Variants in ENOX2 observed in about 807,000 individuals in gnomAD.
ENOX2 encodes the protein ecto-NOX disulfide-thiol exchanger 2, also known as APK1 antigen.
ENOX2 carries 36 observed loss-of-function variants against 45.0 expected under a neutral mutation model. That is an observed-to-expected ratio of 0.80 (90% CI 0.61 to 1.06). ENOX2 has a LOEUF of 1.06. ENOX2 is among the 50% of genes least tolerant of loss of function. The pLI, the probability that ENOX2 is intolerant of heterozygous loss-of-function variation, is 0.00. For missense variants in ENOX2, 423 were observed against 462.5 expected (o/e 0.91, Z 0.78); for synonymous variants, 174 against 152.3 (o/e 1.14, Z -1.05).
intron 6 of ENOX2, 78 bp from the exon 7 acceptor site, chrX:130,670,276 G>T: frequency 2.4e-6 from 1 of 412,264 alleles, no homozygotes; most frequent in South Asian, 5.3e-5. Context: ...GACAGAGACA[G>T]AGAGAGAGAG....
At chrX:130,857,140 C>A (rs1324165165) in intron 2 of ENOX2, among the ~76,000 whole-genome samples, 1 of 111,940 alleles carries the variant, frequency 8.9e-6, no homozygotes, top group African/African-American at 3.2e-5. Context: ...AATGAACATA[C>A]TACTGATAAC....
intron 2 of ENOX2, among the ~76,000 whole-genome samples, chrX:130,896,165 C>T: frequency 8.9e-6 from 1 of 111,747 alleles, no homozygotes; most frequent in Non-Finnish European, 1.9e-5. Context: ...TCTGCCAAAT[C>T]TCTACAGCAG....
chrX:130,843,816 A>T (rs1465660096), intron 2 of ENOX2, among the ~76,000 whole-genome samples: 1 of 111,990 alleles, frequency 8.9e-6, no homozygotes, highest in East Asian at 2.8e-4. Context: ...ATATGCTCCG[A>T]TAGCATCCTA....
chrX:130,636,001 G>C (rs1196556490), intron 11 of ENOX2, among the ~76,000 whole-genome samples: 2 of 112,034 alleles, frequency 1.8e-5, no homozygotes, highest in Non-Finnish European at 3.8e-5. Context: ...ATCCTTATGT[G>C]AAATGGTTTG....
At chrX:130,655,036 T>C (rs776531731) in intron 10 of ENOX2, among the ~76,000 whole-genome samples, 3 of 112,276 alleles carry the variant, frequency 2.7e-5, no homozygotes, top group Non-Finnish European at 5.6e-5. Flanking sequence ...TGTACAATAC[T>C]GTAGATACTG....
intron 3 of ENOX2, among the ~76,000 whole-genome samples, chrX:130,769,702 T>G (rs1399969457): frequency 8.9e-6 from 1 of 111,765 alleles, no homozygotes; most frequent in Non-Finnish European, 1.9e-5. Context: ...TACCCTTCCA[T>G]CCAACATCAC....
In ENOX2 at chrX:130,793,917, T is replaced by C. The variant is rs1198502615; in HGVS notation, c.-182-10227A>G. On this transcript the variant is annotated intron_variant, in intron 2 of 14. Transcript: ENST00000394363. ...TGATAGAACAGTTCAAAGTGACAGA[T>C]GGTAGATGGGTGATCTATCATTTTC... 2.7e-5 allele frequency among the ~76,000 whole-genome samples: 3 copies of C among 112,409 alleles called. No homozygotes were observed. In the Admixed American group the frequency reaches 2.8e-4, roughly 11 times the overall value.
intron 2 of ENOX2, among the ~76,000 whole-genome samples, chrX:130,870,595 G>A (rs1413758743): frequency 9.0e-6 from 1 of 111,271 alleles, no homozygotes; most frequent in South Asian, 3.8e-4. Context: ...GGCAATTGTC[G>A]ACACTGTATT....
At chrX:130,783,740 T>C in intron 2 of ENOX2, 50 bp from the exon 3 acceptor site, 2 of 244,434 alleles carry the variant, frequency 8.2e-6, no homozygotes, top group Non-Finnish European at 1.5e-5. Flanking sequence ...AGGACTGGGA[T>C]TGTCTCCAGA....
At chrX:130,671,666 G>C (rs1014445367) in intron 6 of ENOX2, among the ~76,000 whole-genome samples, 1 of 111,838 alleles carries the variant, frequency 8.9e-6, no homozygotes, top group African/African-American at 3.3e-5. Context: ...AGCTCCCACA[G>C]GGTTGGGAAT....
intron 3 of ENOX2, among the ~76,000 whole-genome samples, chrX:130,720,649 T>C (rs1258638094): frequency 3.6e-5 from 4 of 112,236 alleles, no homozygotes; most frequent in Non-Finnish European, 7.5e-5. Flanking sequence ...AGAAACAGTA[T>C]AATCCACCAG....
chrX:130,853,615 G>C (rs904459250), intron 2 of ENOX2, among the ~76,000 whole-genome samples: 4 of 110,848 alleles, frequency 3.6e-5, no homozygotes, highest in African/African-American at 6.6e-5. Flanking sequence ...CAAGCACTGA[G>C]TGAGGAAACC....
chrX:130,799,132 G>T (rs1049624903), intron 2 of ENOX2, among the ~76,000 whole-genome samples: 1 of 111,525 alleles, frequency 9.0e-6, no homozygotes, highest in African/African-American at 3.3e-5. Flanking sequence ...TGATCTTGGT[G>T]GGTGCCATCT....
intron 3 of ENOX2, among the ~76,000 whole-genome samples, chrX:130,728,243 G>A (rs1241581809): frequency 9.0e-6 from 1 of 111,222 alleles, no homozygotes; most frequent in African/African-American, 3.3e-5. Context: ...ATGCAGCTCT[G>A]GTAGTATAAT....
intron 5 of ENOX2, among the ~76,000 whole-genome samples, chrX:130,687,057 T>A (rs947798052): frequency 1.7e-4 from 19 of 111,689 alleles, no homozygotes; most frequent in African/African-American, 6.2e-4. Context: ...AATATAAAAA[T>A]GTATTTGAGA....
At chrX:130,782,663 C>A (rs2076914118) in intron 3 of ENOX2, among the ~76,000 whole-genome samples, 1 of 111,518 alleles carries the variant, frequency 9.0e-6, no homozygotes. Flanking sequence ...TAATAAAAAA[C>A]AAAACAAAGA....
At chrX:130,783,491 T>C in intron 3 of ENOX2, 56 bp downstream of exon 3, 1 of 319,345 alleles carries the variant, frequency 3.1e-6, no homozygotes, top group Non-Finnish European at 6.0e-6. Context: ...TACTAGGCTC[T>C]GGGAAAATGT....
chrX:130,659,040 T>G (rs1425376929), intron 9 of ENOX2, among the ~76,000 whole-genome samples: 1 of 112,205 alleles, frequency 8.9e-6, no homozygotes, highest in African/African-American at 3.2e-5. Flanking sequence ...TGCAATCATT[T>G]AGAGGCCAAT....
intron 2 of ENOX2, among the ~76,000 whole-genome samples, chrX:130,818,771 C>T (rs377739607): frequency 1.5e-4 from 17 of 111,925 alleles, no homozygotes; most frequent in African/African-American, 3.2e-4. Flanking sequence ...AAGACTTAAA[C>T]GTAAGACCTA....
Sources: allele counts gnomAD v4.1 joint callset (sites outside exome capture counted in the v4.1 genomes callset), GRCh38; gene constraint gnomAD v4.1.1; transcripts MANE v1.5; gene names NCBI Gene and HGNC (gene_info 2026-07-23, HGNC 2026-07-21).